Variants in GUCY1A2 observed in about 807,000 individuals in gnomAD.
GUCY1A2 encodes the protein guanylate cyclase 1 soluble subunit alpha 2, also known as guanylate cyclase soluble subunit alpha-2.
GUCY1A2 carries 27 observed loss-of-function variants against 63.5 expected under a neutral mutation model. The observed-to-expected ratio is 0.43, with a 90% confidence interval of 0.31 to 0.59. The LOEUF is 0.59. Ranked by LOEUF, GUCY1A2 falls within the 20% of genes least tolerant of loss-of-function variation. The pLI is 0.11. For synonymous variants in GUCY1A2, 364 were observed against 343.5 expected (o/e 1.06, Z -0.66); for missense variants, 768 against 913.3 (o/e 0.84, Z 2.05).
chr11:106,747,871 A>T (rs532060085), intron 6 of GUCY1A2, among the ~76,000 whole-genome samples: 16 of 152,208 alleles, frequency 1.1e-4, no homozygotes, highest in Admixed American at 2.0e-4. Flanking sequence ...GGCTTGTGTG[A>T]GGGTTACTAT....
chr11:106,809,771 TACTG>T (rs1307801480), intron 5 of GUCY1A2, among the ~76,000 whole-genome samples: 1 of 149,624 alleles, frequency 6.7e-6, no homozygotes, highest in Non-Finnish European at 1.5e-5. Flanking sequence ...AATTTTTCCT[TACTG>T]AGCAATATCA....
In GUCY1A2 at chr11:106,985,053, T is replaced by C. The variant is rs187175421; in HGVS notation, c.365+1017A>G. 1.6e-4 allele frequency among the ~76,000 whole-genome samples: 24 copies of C among 152,298 alleles called. No homozygotes were observed. The East Asian group carries it at 4.2e-3, about 27-fold the overall frequency. On this transcript the variant is annotated intron_variant, in intron 2 of 7. Coordinates refer to ENST00000526355, the MANE Select transcript of GUCY1A2 (RefSeq NM_000855.3). ...GAGATTATTTTTCCATTAAGATTTC[T>C]TCCCTTCTGTTCTGTGAAAAAAAAA...
At chr11:106,992,950 C>G (rs920080788) in intron 1 of GUCY1A2, among the ~76,000 whole-genome samples, 2 of 152,146 alleles carry the variant, frequency 1.3e-5, no homozygotes, top group Non-Finnish European at 2.9e-5. Flanking sequence ...TTTCCAAAAG[C>G]CATTCTTTGC....
chr11:106,921,560 C>T (rs753337939), intron 4 of GUCY1A2, among the ~76,000 whole-genome samples: 3 of 152,128 alleles, frequency 2.0e-5, no homozygotes, highest in Admixed American at 2.0e-4. Context: ...GTTTCCTTCT[C>T]CAATTCCTTC....
intron 6 of GUCY1A2, among the ~76,000 whole-genome samples, 198 bp from the exon 7 acceptor site, chr11:106,708,864 T>C (rs894984120): frequency 1.3e-5 from 2 of 151,656 alleles, no homozygotes; most frequent in Non-Finnish European, 2.9e-5. Flanking sequence ...ATAAATGCTA[T>C]TGAATACACA....
intron 4 of GUCY1A2, among the ~76,000 whole-genome samples, chr11:106,938,791 T>A (rs1409576707): frequency 6.6e-6 from 1 of 152,210 alleles, no homozygotes; most frequent in African/African-American, 2.4e-5. Flanking sequence ...TGTCTTTTCA[T>A]CAATTATTTA....
intron 6 of GUCY1A2, among the ~76,000 whole-genome samples, chr11:106,764,971 G>GGGA (rs1555028460): frequency 3.4e-5 from 1 of 29,502 alleles, no homozygotes; most frequent in Non-Finnish European, 7.0e-5. Context: ...AGATTTTTTT[G>GGGA]GGGGGGGGTT....
At position 106,916,735 on chromosome 11, in the gene GUCY1A2, C is replaced by T. The variant is rs895122675; in HGVS notation, c.1206+22725G>A. On this transcript the variant is annotated intron_variant, in intron 4 of 7. Transcript: ENST00000526355. ...TTTTATCTACTGCTAAGTAAACTGACTCGTTGGTTCAGTCCAGATATATCT... is the reference window on the plus strand; with the variant it reads ...TTTTATCTACTGCTAAGTAAACTGATTCGTTGGTTCAGTCCAGATATATCT... Among the ~76,000 whole-genome samples the T allele has an allele frequency of 2.7e-5, 4 of 145,466 alleles. 1 individual carries two copies. The highest frequency in any genetic ancestry group is 9.8e-5 in the African/African-American group (4 of 40,930).
At chr11:106,935,568 G>A (rs1049123181) in intron 4 of GUCY1A2, among the ~76,000 whole-genome samples, 16 of 152,066 alleles carry the variant, frequency 1.1e-4, no homozygotes, top group East Asian at 3.9e-4. Context: ...GGCCAAGTGC[G>A]GTGGCTCACG....
intron 4 of GUCY1A2, among the ~76,000 whole-genome samples, chr11:106,906,696 T>C (rs1203052543): frequency 6.6e-6 from 1 of 152,048 alleles, no homozygotes; most frequent in African/African-American, 2.4e-5. Flanking sequence ...CAAATGCCCA[T>C]CAATGATAGA....
At chr11:106,717,437 G>A (rs1333190879) in intron 6 of GUCY1A2, among the ~76,000 whole-genome samples, 4 of 152,178 alleles carry the variant, frequency 2.6e-5, no homozygotes, top group Non-Finnish European at 5.9e-5. Context: ...TAAGTAAATA[G>A]ATTTATTCTG....
At chr11:106,746,106 T>G (rs1279604265) in intron 6 of GUCY1A2, among the ~76,000 whole-genome samples, 3 of 151,926 alleles carry the variant, frequency 2.0e-5, no homozygotes, top group Non-Finnish European at 4.4e-5. Context: ...AAGCCATGAA[T>G]GAAAGCCACT....
At chr11:106,691,011 GAAATA>G (rs1431382264) in intron 7 of GUCY1A2, among the ~76,000 whole-genome samples, 3 of 152,208 alleles carry the variant, frequency 2.0e-5, no homozygotes, top group South Asian at 2.1e-4. Context: ...AGTCACTTCA[GAAATA>G]AAATGTAAAA....
intron 2 of GUCY1A2, among the ~76,000 whole-genome samples, chr11:106,979,473 A>AAAAG (rs911419925): frequency 1.4e-4 from 21 of 150,166 alleles, no homozygotes; most frequent in African/African-American, 2.7e-4. Context: ...AAAAAAAAAA[A>AAAAG]AAGAAGAAGA....
At chr11:106,722,344 T>C (rs1863330939) in intron 6 of GUCY1A2, among the ~76,000 whole-genome samples, 1 of 151,920 alleles carries the variant, frequency 6.6e-6, no homozygotes, top group South Asian at 2.1e-4. Flanking sequence ...TCTAAAATTG[T>C]ATGTTGAGAT....
chr11:106,814,216 T>C (rs1858801307), intron 4 of GUCY1A2, among the ~76,000 whole-genome samples: 1 of 152,132 alleles, frequency 6.6e-6, no homozygotes, highest in African/African-American at 2.4e-5. Context: ...GACTATTCTT[T>C]AGAATTCAGT....
chr11:106,827,814 G>A (rs747117402), intron 4 of GUCY1A2: 137 of 1,594,342 alleles, frequency 8.6e-5, no homozygotes, highest in Non-Finnish European at 1.2e-4. Context: ...CAACTGCTCC[G>A]CACAAGTGAC....
In GUCY1A2 at chr11:106,918,793, G is replaced by T. The variant is rs1860401868; in HGVS notation, c.1206+20667C>A. 1.8e-5 allele frequency among the ~76,000 whole-genome samples: 2 copies of T among 109,912 alleles called. 1 individual carries two copies. The highest frequency in any genetic ancestry group is 4.5e-5 in the Non-Finnish European group (2 of 44,600). 72.1% of individuals were successfully genotyped at this position (109,912 alleles called of 152,430 possible). On this transcript the variant is annotated intron_variant, in intron 4 of 7. Transcript: ENST00000526355. The stretch of plus-strand genomic sequence containing the variant: ...TTCTTTCCAGTCAATGAATTACAAG[G>T]TAGTTACCCACTCAAGTGTACAATG...
At chr11:107,006,099 G>A (rs1464319186) in intron 1 of GUCY1A2, among the ~76,000 whole-genome samples, 1 of 152,136 alleles carries the variant, frequency 6.6e-6, no homozygotes, top group Non-Finnish European at 1.5e-5. Context: ...AGAACAAACT[G>A]ATCCTCAGAG....
Sources: allele counts gnomAD v4.1 joint callset (sites outside exome capture counted in the v4.1 genomes callset), GRCh38; gene constraint gnomAD v4.1.1; transcripts MANE v1.5; gene names NCBI Gene and HGNC (gene_info 2026-07-23, HGNC 2026-07-21).